The following GATAD2B variants were observed in gnomAD, a reference collection of about 807,000 sequenced individuals.
GATAD2B encodes the protein GATA zinc finger domain containing 2B.
GATAD2B carries 8 observed loss-of-function variants against 64.3 expected under a neutral mutation model. The observed-to-expected ratio is 0.12, with a 90% CI of 0.07 to 0.22. The LOEUF is 0.22. Ranked by LOEUF, GATAD2B falls within the 10% of genes least tolerant of loss-of-function variation. The probability of loss-of-function intolerance (pLI) is 1.00; values close to 1 mark genes in which losing one functional copy is unlikely to be tolerated. For synonymous variants in GATAD2B, 281 were observed against 271.3 expected, an observed-to-expected ratio of 1.04 and a Z score of -0.35; for missense variants, 453 against 752.0, an observed-to-expected ratio of 0.60 and a Z score of 4.65.
At position 153,859,689 on chromosome 1, in the gene GATAD2B, A is replaced by AT. The variant is rs907040038; in HGVS notation, c.-1-31342_-1-31341insA. On this transcript the variant is annotated intron_variant, in intron 1 of 10. Transcript: ENST00000368655. ...CATCTCAAAAAAAAATAATAAAAAA[A>AT]AAAAAAGACCATAGACATTACTTTT... Among the ~76,000 whole-genome samples, 42 of 150,662 alleles carry AT rather than the reference A, an allele frequency of 2.8e-4. 1 individual carries two copies. The Middle Eastern group carries it at 0.01, about 37-fold the overall frequency.
At chr1:153,839,108 C>CAAAAAAAAAAAAAAAAAAAAAAAAAAAAA (rs35262137) in intron 1 of GATAD2B, among the ~76,000 whole-genome samples, 9 of 78,566 alleles carry the variant, frequency 1.1e-4, no homozygotes, top group East Asian at 4.8e-4. Flanking sequence ...GACCCTGTCT[C>CAAAAAAAAAAAAAAAAAAAAAAAAAAAAA]AAAAAAAAAA....
At chr1:153,854,803 T>C (rs562853404) in intron 1 of GATAD2B, among the ~76,000 whole-genome samples, 7 of 152,118 alleles carry the variant, frequency 4.6e-5, no homozygotes, top group Non-Finnish European at 8.8e-5. Flanking sequence ...GAAAAACACA[T>C]CTTAACAATG....
At position 153,815,081 on chromosome 1, in the gene GATAD2B, C is replaced by CAAAAAAAAAAAAAA. The variant is rs58874063; in HGVS notation, c.1216+1178_1216+1191dup. Among the ~76,000 whole-genome samples, 9 of 25,380 alleles carry CAAAAAAAAAAAAAA rather than the reference C, an allele frequency of 3.5e-4. 1 individual carries two copies. The highest frequency in any genetic ancestry group is 4.3e-4 in the Non-Finnish European group (7 of 16,302). The allele number at this position is 25,380 out of a possible 152,430, so 16.7% of individuals were successfully genotyped here. ...TGGGTGACAGAGTAAGACTCTGTCT[C>CAAAAAAAAAAAAAA]AAAAAAAAAAAAAAAAAAAAAAAAA... On this transcript the variant is annotated intron_variant, in intron 7 of 10. Transcript: ENST00000368655.
intron 1 of GATAD2B, among the ~76,000 whole-genome samples, chr1:153,921,066 A>T (rs1051676072): frequency 2.0e-5 from 3 of 152,212 alleles, no homozygotes; most frequent in African/African-American, 7.2e-5. Flanking sequence ...CTCCTTCCCA[A>T]CTAAGTACTG....
At chr1:153,846,418 T>G (rs1675689856) in intron 1 of GATAD2B, among the ~76,000 whole-genome samples, 1 of 151,872 alleles carries the variant, frequency 6.6e-6, no homozygotes, top group Admixed American at 6.6e-5. Context: ...GTATTTTTTT[T>G]GTAGAGATGG....
At position 153,817,106 on chromosome 1, in the gene GATAD2B, T is replaced by C. The variant is rs115128786; in HGVS notation, c.900+266A>G. On this transcript the variant is annotated intron_variant, in intron 6 of 10. Coordinates refer to ENST00000368655, the MANE Select transcript of GATAD2B (RefSeq NM_020699.4). ...TGCTTTCTGTCACACATCCTTGTGC[T>C]TCTTATTCCCTAGATCACTCTCTTC... Among the ~76,000 whole-genome samples the C allele has an allele frequency of 0.012, 1,790 of 152,290 alleles. 29 individuals carry two copies. Among genetic ancestry groups the C allele is most frequent in the African/African-American group, 0.041 (1,688 of 41,548 alleles).
chr1:153,914,224 T>A (rs1363629629), intron 1 of GATAD2B, among the ~76,000 whole-genome samples: 18 of 77,630 alleles, frequency 2.3e-4, no homozygotes, highest in South Asian at 1.9e-3. Context: ...GCCCCCAGAC[T>A]CTCAAAAAAA....
rs771361826 is a variant in GATAD2B, at chr1:153,841,607, G to A, written c.-1-13259C>T. 3.9e-5 allele frequency among the ~76,000 whole-genome samples: 6 copies of A among 152,210 alleles called. No individual in the cohort carries two copies. In the South Asian group the frequency reaches 8.3e-4, roughly 21 times the overall value. ...TAGGATAATTTCACTGAGATTCATCGAAGTGGCTGCAAGTACCAACAGTTT... is the reference window on the plus strand; with the variant it reads ...TAGGATAATTTCACTGAGATTCATCAAAGTGGCTGCAAGTACCAACAGTTT... On this transcript the variant is annotated intron_variant, in intron 1 of 10. Coordinates refer to ENST00000368655, the MANE Select transcript of GATAD2B (RefSeq NM_020699.4).
intron 1 of GATAD2B, among the ~76,000 whole-genome samples, chr1:153,834,007 T>A (rs1557792645): frequency 6.6e-6 from 1 of 151,422 alleles, no homozygotes; most frequent in African/African-American, 2.4e-5. Context: ...TTTGGTTGTT[T>A]TTTGTTTGTT....
At chr1:153,872,873 C>T (rs1676713512) in intron 1 of GATAD2B, among the ~76,000 whole-genome samples, 1 of 152,038 alleles carries the variant, frequency 6.6e-6, no homozygotes, top group Non-Finnish European at 1.5e-5. Context: ...TGAGTACTTC[C>T]CATTTTATCA....
intron 1 of GATAD2B, among the ~76,000 whole-genome samples, chr1:153,834,062 G>A (rs938143948): frequency 2.0e-5 from 3 of 151,396 alleles, no homozygotes; most frequent in Admixed American, 2.0e-4. Flanking sequence ...GAGTGCAGTG[G>A]CACAACCTCA....
chr1:153,889,210 C>T (rs970703902), intron 1 of GATAD2B, among the ~76,000 whole-genome samples: 11 of 151,296 alleles, frequency 7.3e-5, no homozygotes, highest in African/African-American at 2.7e-4. Flanking sequence ...GTCGGGAGTT[C>T]GAGACAAGCC....
intron 1 of GATAD2B, among the ~76,000 whole-genome samples, chr1:153,862,320 A>G (rs1313687010): frequency 6.6e-6 from 1 of 151,588 alleles, no homozygotes. Context: ...ACGGGGTTTC[A>G]CCATGTTGGC....
At chr1:153,912,465 T>C (rs898698303) in intron 1 of GATAD2B, among the ~76,000 whole-genome samples, 3 of 152,202 alleles carry the variant, frequency 2.0e-5, no homozygotes, top group African/African-American at 7.2e-5. Context: ...GGACACTTAT[T>C]AAAGGCCAAA....
At chr1:153,903,770 G>C (rs1361787654) in intron 1 of GATAD2B, among the ~76,000 whole-genome samples, 1 of 151,948 alleles carries the variant, frequency 6.6e-6, no homozygotes, top group Admixed American at 6.6e-5. Flanking sequence ...GACAGCTTGA[G>C]CCTAGGAGTT....
rs753734177 is a variant in GATAD2B at position 153,818,030 on chromosome 1, G to T, written c.729+10C>A. On this transcript the variant is annotated intron_variant, in intron 5 of 10. Coordinates refer to ENST00000368655, the MANE Select transcript of GATAD2B (RefSeq NM_020699.4). ...CCTCCAACACTAAGATCCCACTATG[G>T]GTCACATACCTGTAATGTTCTCAAA... 6.3e-7 allele frequency: 1 copy of T among 1,590,028 alleles called. No homozygotes were observed. The highest frequency in any genetic ancestry group is 1.4e-5 in the African/African-American group (1 of 73,632).
At chr1:153,836,782 C>G (rs533985487) in intron 1 of GATAD2B, among the ~76,000 whole-genome samples, 1 of 152,130 alleles carries the variant, frequency 6.6e-6, no homozygotes, top group Non-Finnish European at 1.5e-5. Flanking sequence ...GACAAAACAA[C>G]AAAATTCAAT....
chr1:153,915,690 G>A (rs574107026), intron 1 of GATAD2B, among the ~76,000 whole-genome samples: 4 of 149,336 alleles, frequency 2.7e-5, no homozygotes, highest in African/African-American at 4.9e-5. Flanking sequence ...AGCCGAGATC[G>A]TGCCACTGTG....
chr1:153,876,475 T>A (rs1338241571), intron 1 of GATAD2B, among the ~76,000 whole-genome samples: 1 of 152,168 alleles, frequency 6.6e-6, no homozygotes, highest in Non-Finnish European at 1.5e-5. Context: ...ACACAAACCT[T>A]TGGCTCACAT....
Sources: allele counts gnomAD v4.1 joint callset (sites outside exome capture counted in the v4.1 genomes callset), GRCh38; gene constraint gnomAD v4.1.1; transcripts MANE v1.5; gene names NCBI Gene and HGNC (gene_info 2026-07-23, HGNC 2026-07-21).